TFEC: variants seen among roughly 807,000 people sequenced by gnomAD.
TFEC encodes the protein class E basic helix-loop-helix protein 34.
In TFEC, 31 loss-of-function variants were observed where a neutral mutation model predicts 41.6. The ratio of observed to expected loss-of-function variants is 0.74; its 90% confidence interval spans 0.56 to 1.01. The LOEUF is 1.01. TFEC is among the 50% of genes least tolerant of loss of function. TFEC has a pLI of 0.00. For missense variants in TFEC, 402 were observed against 404.1 expected (o/e 0.99, Z 0.04); for synonymous variants, 143 against 140.6 (o/e 1.02, Z -0.12).
At chr7:116,138,351 T>C (rs1408418578) in intron 1 of TFEC, among the ~76,000 whole-genome samples, 7 of 152,224 alleles carry the variant, frequency 4.6e-5, no homozygotes, top group Non-Finnish European at 8.8e-5. Context: ...TGTTTGGGTA[T>C]ACAGTTTAAT....
At chr7:116,028,505 A>G (rs933040731) in intron 1 of TFEC, among the ~76,000 whole-genome samples, 2 of 152,206 alleles carry the variant, frequency 1.3e-5, no homozygotes, top group African/African-American at 4.8e-5. Context: ...GACTCTTCTT[A>G]GTAAACACCC....
At chr7:116,107,974 GT>G (rs1797759409) in intron 3 of TFEC, among the ~76,000 whole-genome samples, 1 of 152,078 alleles carries the variant, frequency 6.6e-6, no homozygotes, top group African/African-American at 2.4e-5. Context: ...AAAATATATT[GT>G]TTTATCATGA....
At chr7:115,964,203 A>G (rs1216740841) in intron 3 of TFEC, among the ~76,000 whole-genome samples, 1 of 151,674 alleles carries the variant, frequency 6.6e-6, no homozygotes, top group Non-Finnish European at 1.5e-5. Context: ...TGACTGAAGA[A>G]GTAATTAATA....
At chr7:116,035,609 GA>G (rs1168929733), upstream of TFEC, among the ~76,000 whole-genome samples, 4 of 151,928 alleles carry the variant, frequency 2.6e-5, no homozygotes, top group Non-Finnish European at 5.9e-5. Flanking sequence ...AAAAAGTAAA[GA>G]AGGATTTGAA....
chr7:116,151,971 ATCTC>A (rs758311621), intron 1 of TFEC, among the ~76,000 whole-genome samples: 5 of 152,088 alleles, frequency 3.3e-5, no homozygotes, highest in Non-Finnish European at 7.4e-5. Context: ...ACAAATATAA[ATCTC>A]TCTGTGACCA....
intron 3 of TFEC, among the ~76,000 whole-genome samples, chr7:116,103,337 A>G (rs1010540456): frequency 1.3e-5 from 2 of 152,194 alleles, no homozygotes; most frequent in Non-Finnish European, 2.9e-5. Context: ...ATGAAAAGTG[A>G]TTCTGCCAAA....
chr7:116,111,926 T>G (rs1797864199), intron 2 of TFEC: 1 of 812,116 alleles, frequency 1.2e-6, no homozygotes, highest in South Asian at 5.6e-5. Flanking sequence ...TGATAGTACT[T>G]GATTGAATAA....
At chr7:116,106,237 A>G (rs1454467830) in intron 3 of TFEC, among the ~76,000 whole-genome samples, 1 of 152,194 alleles carries the variant, frequency 6.6e-6, no homozygotes, top group African/African-American at 2.4e-5. Context: ...GAAACACATT[A>G]CAAGGTCTCA....
chr7:116,127,974 C>T (rs1280880180), intron 1 of TFEC, among the ~76,000 whole-genome samples: 1 of 152,062 alleles, frequency 6.6e-6, no homozygotes, highest in Non-Finnish European at 1.5e-5. Flanking sequence ...ATTTATAAGG[C>T]TTTTCTAAAT....
intron 3 of TFEC, among the ~76,000 whole-genome samples, chr7:116,105,427 T>A (rs1345949910): frequency 6.6e-6 from 1 of 152,212 alleles, no homozygotes; most frequent in Non-Finnish European, 1.5e-5. Flanking sequence ...TAGGTGCCTC[T>A]TCAAATTCAA....
intron 1 of TFEC, among the ~76,000 whole-genome samples, chr7:116,009,737 A>C (rs577445338): frequency 7.4e-4 from 113 of 152,324 alleles, no homozygotes; most frequent in Non-Finnish European, 1.4e-3. Flanking sequence ...TTCATTTAAC[A>C]AATATATGCA....
chr7:115,991,680 C>T (rs1293958254), intron 1 of TFEC, among the ~76,000 whole-genome samples: 4 of 152,148 alleles, frequency 2.6e-5, no homozygotes, highest in Non-Finnish European at 5.9e-5. Flanking sequence ...GCTAACTAAC[C>T]TAAATATATA....
chr7:116,159,818 G>A (rs990565374), exon 1 of TFEC: 5 of 152,050 alleles, frequency 3.3e-5, no homozygotes, highest in African/African-American at 9.7e-5. Flanking sequence ...CGAAGAATCC[G>A]TGAGACTCAA....
chr7:116,017,314 C>T (rs574508619), intron 1 of TFEC, among the ~76,000 whole-genome samples: 12 of 152,244 alleles, frequency 7.9e-5, no homozygotes, highest in South Asian at 6.2e-4. Flanking sequence ...CTCTGCCTCC[C>T]GGGTTCAAGT....
chr7:116,075,682 C>A (rs1796942081), intron 3 of TFEC, among the ~76,000 whole-genome samples: 1 of 152,126 alleles, frequency 6.6e-6, no homozygotes, highest in Non-Finnish European at 1.5e-5. Flanking sequence ...AACATAATTC[C>A]ATTTTCCTGG....
chr7:116,022,240 T>C (rs947161368), intron 1 of TFEC, among the ~76,000 whole-genome samples: 1 of 152,198 alleles, frequency 6.6e-6, no homozygotes, highest in African/African-American at 2.4e-5. Flanking sequence ...GGCAGCGGTT[T>C]TCCATTCTTA....
intron 1 of TFEC, among the ~76,000 whole-genome samples, chr7:115,988,383 AC>A (rs1793952955): frequency 6.6e-6 from 1 of 152,170 alleles, no homozygotes; most frequent in Non-Finnish European, 1.5e-5. Context: ...AAGAAAAAAA[AC>A]AAAAAGGAAT....
intron 5 of TFEC, among the ~76,000 whole-genome samples, chr7:115,952,829 A>G (rs752123216): frequency 1.3e-5 from 2 of 152,098 alleles, no homozygotes; most frequent in Non-Finnish European, 2.9e-5. Flanking sequence ...TCTGATCAAT[A>G]TTTAGAGGAA....
intron 3 of TFEC, among the ~76,000 whole-genome samples, chr7:116,063,886 A>G (rs1223193207): frequency 1.3e-5 from 2 of 152,142 alleles, no homozygotes; most frequent in Non-Finnish European, 2.9e-5. Flanking sequence ...GCTATTTTGT[A>G]TAACGCTACA....
Sources: allele counts gnomAD v4.1 joint callset (sites outside exome capture counted in the v4.1 genomes callset), GRCh38; gene constraint gnomAD v4.1.1; transcripts MANE v1.5; gene names NCBI Gene and HGNC (gene_info 2026-07-23, HGNC 2026-07-21).